The following SSC5D variants were observed in gnomAD, a reference collection of about 807,000 sequenced individuals.
The protein encoded by SSC5D is soluble scavenger receptor cysteine-rich domain-containing protein SSC5D.
Under a neutral mutation model 104.6 loss-of-function variants are expected in SSC5D, and 106 were observed. The observed-to-expected ratio is 1.01, with a 90% CI of 0.87 to 1.19. SSC5D has a LOEUF of 1.19. SSC5D is among the 50% of genes most tolerant of loss of function. The pLI is 0.00. For synonymous variants in SSC5D, 860 were observed against 883.5 expected (o/e 0.97, Z 0.47); for missense variants, 1,993 against 2,153.8 (o/e 0.93, Z 1.48).
In SSC5D at chr19:55,503,920, T is replaced by C. The variant is rs2123448438; in HGVS notation, c.2785+2719T>C. On this transcript the variant is annotated intron_variant, in intron 12 of 13. Transcript: ENST00000389623. This position sits in a 1 kb window ranked among gnomAD's most constrained non-coding sequence, Gnocchi z 4.0. ...TTCATCTGCCTCGCACCTCGTGACGTCACAGGCGCGCTGCGCCTCCTGATT... is the reference window on the plus strand; with the variant it reads ...TTCATCTGCCTCGCACCTCGTGACGCCACAGGCGCGCTGCGCCTCCTGATT... 6.6e-6 allele frequency among the ~76,000 whole-genome samples: 1 copy of C among 152,218 alleles called. No individual in the cohort carries two copies. Among genetic ancestry groups the C allele is most frequent in the African/African-American group, 2.4e-5 (1 of 41,548 alleles).
rs1174364146 is a variant in SSC5D, at chr19:55,489,592, C to T, written c.291C>T (p.Gly97=). ...GCCGGGGCAACGAGGGGCAGCTGGG[C>T]CTCTGCCACCACCGGGGCTGGAAGG... is the stretch of plus-strand genomic sequence containing the variant. ...LACRGNEGQL[G]LCHHRGWKAH... Residue 97 remains glycine, a synonymous_variant, in exon 3 of 14, where the codon GGC becomes GGT. Transcript: ENST00000389623. The T allele has an allele frequency of 2.0e-6, 3 of 1,526,522 alleles. No individual in the cohort carries two copies. The highest frequency in any genetic ancestry group is 1.2e-5 in the South Asian group (1 of 83,062). The allele number at this position is 1,526,522 out of a possible 1,614,324, so 94.6% of individuals were successfully genotyped here. A position where few individuals can be genotyped will look rare whatever the true frequency, so the allele number is the denominator to read the frequency against.
chr19:55,507,148 G>T (rs755349674), intron 12 of SSC5D, among the ~76,000 whole-genome samples: 1 of 151,608 alleles, frequency 6.6e-6, no homozygotes, highest in Non-Finnish European at 1.5e-5. Context: ...CAGCCTGGGT[G>T]ACAGAGACTG....
rs532032070 is a variant in SSC5D at position 55,490,752 on chromosome 19, C to T, written c.587-20C>T. 42 of 1,477,494 alleles carry T rather than the reference C, an allele frequency of 2.8e-5. No individual in the cohort carries two copies. In the African/African-American group the frequency reaches 5.4e-4, roughly 19 times the overall value. 91.5% of individuals were successfully genotyped at this position (1,477,494 alleles called of 1,614,324 possible). A position where few individuals can be genotyped will look rare whatever the true frequency, so the allele number is the denominator to read the frequency against. On this transcript the variant is annotated intron_variant, in intron 5 of 13. Coordinates refer to ENST00000389623, the MANE Select transcript of SSC5D (RefSeq NM_001144950.2). ...TCATTTCTCACTGGCCACACCGTCC[C>T]CTCCCTGCTCACCCCACAGAGCGGC...
chr19:55,498,920 C>T (rs1156248263), intron 9 of SSC5D, among the ~76,000 whole-genome samples: 1 of 152,204 alleles, frequency 6.6e-6, no homozygotes, highest in Non-Finnish European at 1.5e-5. Flanking sequence ...GCGCCTGAGG[C>T]AGGGCTCAGG....
In SSC5D at chr19:55,517,804, T is replaced by C. The variant is rs1305223280; in HGVS notation, c.3528T>C (p.Pro1176=). The C allele has an allele frequency of 1.7e-6, 2 of 1,185,212 alleles. No homozygotes were observed. The highest frequency in any genetic ancestry group is 5.1e-5 in the African/African-American group (2 of 39,398). The allele number at this position is 1,185,212 out of a possible 1,614,324, so 73.4% of individuals were successfully genotyped here. A position where few individuals can be genotyped will look rare whatever the true frequency, so the allele number is the denominator to read the frequency against. Residue 1176 remains proline (P), a synonymous_variant, in exon 14 of 14, where the codon CCT becomes CCC. Transcript: ENST00000389623. The part of the protein sequence containing the change: ...TLNPTVTPHF[P]TTPHPTTTPH... ...ACCCTACTGTGACCCCTCACTTCCC[T>C]ACCACCCCTCACCCCACCACGACCC... is the stretch of plus-strand genomic sequence containing the variant.
In SSC5D at chr19:55,493,631, ACGGGTGCGC is replaced by A; in HGVS notation, c.936_944del (p.Cys313_Gly315del). Reference sequence around the variant, plus strand: ...CGGCTGCGCCTGGCCGATGGCCCCCACGGGTGCGCCGGCCGCCTGGAGGTCTGGCACGGG... The same window carrying A: ...CGGCTGCGCCTGGCCGATGGCCCCCACGGCCGCCTGGAGGTCTGGCACGGG... On this transcript the variant is annotated inframe_deletion, in exon 7 of 14. Coordinates refer to ENST00000389623, the MANE Select transcript of SSC5D (RefSeq NM_001144950.2). The A allele has an allele frequency of 6.7e-7, 1 of 1,488,986 alleles. No homozygotes were observed. The highest frequency in any genetic ancestry group is 8.9e-7 in the Non-Finnish European group (1 of 1,128,970). The allele number at this position is 1,488,986 out of a possible 1,614,324, so 92.2% of individuals were successfully genotyped here. A position where few individuals can be genotyped will look rare whatever the true frequency, so the allele number is the denominator to read the frequency against.
At chr19:55,492,868 TA>T (rs149175520) in intron 6 of SSC5D, 12 of 147,950 alleles carry the variant, frequency 8.1e-5, no homozygotes, top group African/African-American at 1.2e-4. Flanking sequence ...AAATATAAAA[TA>T]AAAAAAAAAT....
In SSC5D at chr19:55,489,634, C is replaced by A. The variant is rs1233571465; in HGVS notation, c.333C>A (p.His111Gln). ...HRGWKAHICS[H>Q]EEDAGVVCAG... is the part of the protein sequence containing the mutation. ...GCTGGAAGGCCCACATCTGCTCCCACGAGGAGGACGCGGGCGTCGTCTGCG... is the reference window on the plus strand; with the variant it reads ...GCTGGAAGGCCCACATCTGCTCCCAAGAGGAGGACGCGGGCGTCGTCTGCG... Residue 111 changes from histidine (H) to glutamine (Q), a missense_variant, in exon 3 of 14, where the codon CAC becomes CAA. Physicochemically the swap from His to Gln is conservative, Grantham distance 24. Coordinates refer to ENST00000389623, the MANE Select transcript of SSC5D (RefSeq NM_001144950.2). The A allele has an allele frequency of 6.5e-7, 1 of 1,533,234 alleles. No individual in the cohort carries two copies. Among genetic ancestry groups the A allele is most frequent in the Non-Finnish European group, 8.7e-7 (1 of 1,145,382 alleles). 95.0% of individuals were successfully genotyped at this position (1,533,234 alleles called of 1,614,324 possible).
rs1568479042 is a variant in SSC5D, at chr19:55,499,822, C to T, written c.1712C>T (p.Pro571Leu). The T allele has an allele frequency of 5.8e-6, 9 of 1,550,166 alleles. No homozygotes were observed. Among genetic ancestry groups the T allele is most frequent in the Non-Finnish European group, 7.9e-6 (9 of 1,145,862 alleles). ...EDVGVTCTGP[P>L]GLDSISDPFS... ...TGCCCCACTCACCTTCCAGGGCCCC[C>T]AGGCCTGGACTCCATCTCAGACCCC... The change falls in exon 10 of 14, where the codon CCA becomes CTA. Residue 571 changes from proline to leucine, a missense_variant. This residue lies in a region of SSC5D where 1,101 missense variants were observed against 1,085.0 expected (regional missense o/e 1.01). Coordinates refer to ENST00000389623, the MANE Select transcript of SSC5D (RefSeq NM_001144950.2).
chr19:55,500,197 C>T lies in SSC5D; in HGVS notation c.2087C>T (p.Thr696Ile), dbSNP rs2123443113. 6.4e-7 allele frequency: 1 copy of T among 1,551,498 alleles called. No individual in the cohort carries two copies. Among genetic ancestry groups the T allele is most frequent in the Non-Finnish European group, 8.7e-7 (1 of 1,146,940 alleles). Residue 696 changes from threonine (T) to isoleucine (I), a missense_variant, in exon 10 of 14, where the codon ACC becomes ATC. Thr to Ile is a moderately conservative substitution (Grantham distance 89). Around this residue, in one of 6 missense-constraint regions of SSC5D, gnomAD observed 1,101 missense variants for 1,085.0 expected, o/e 1.01. Transcript: ENST00000389623. The surrounding 1 kb of genome is among the most constrained non-coding windows in gnomAD (Gnocchi z 4.6). ...GCCCCCCAGAGATGGACCTCTCACA[C>T]CACTGCCACGCTGACCCCTCAGGCC... ...TEAPQRWTSHTTATLTPQAPR... is the reference protein window; with the variant it reads ...TEAPQRWTSHITATLTPQAPR...
At chr19:55,499,676 A>G (rs1056003982) in intron 9 of SSC5D, 140 bp from the exon 10 acceptor site, 4 of 775,096 alleles carry the variant, frequency 5.2e-6, no homozygotes, top group Admixed American at 5.7e-5. Context: ...GAGGTGCTCA[A>G]TAAATATTTG....
chr19:55,516,452 A>C (rs4801169), intron 13 of SSC5D, among the ~76,000 whole-genome samples: 2 of 150,648 alleles, frequency 1.3e-5, no homozygotes, highest in African/African-American at 4.9e-5. Context: ...AGCCGAGATC[A>C]CGCCACTGCA....
Position 55,491,009 on chromosome 19 carries a change from G to C in SSC5D, c.824G>C (p.Arg275Pro), listed in dbSNP as rs540107753. 49 of 1,550,094 alleles carry C rather than the reference G, an allele frequency of 3.2e-5. No homozygotes were observed. The Admixed American group carries it at 8.8e-4, about 28-fold the overall frequency. Residue 275 changes from arginine (R) to proline (P), a missense_variant, in exon 6 of 14, where the codon CGA becomes CCA. Arg to Pro is a moderately radical substitution (Grantham distance 103). This residue lies in a region of SSC5D where 1,101 missense variants were observed against 1,085.0 expected (regional missense o/e 1.01). Transcript: ENST00000389623. The part of the protein sequence containing the change: ...VGCGGGEQAL[R>P]DCPRSPWGRS... Reference sequence around the variant, plus strand: ...TGTGGAGGAGGAGAACAGGCCCTCCGAGACTGCCCCCGAAGCCCCTGGGGC... The same window carrying C: ...TGTGGAGGAGGAGAACAGGCCCTCCCAGACTGCCCCCGAAGCCCCTGGGGC...
rs867880438 is a variant in SSC5D, at chr19:55,500,556, C to T, written c.2369C>T (p.Ala790Val). 7 of 1,551,588 alleles carry T rather than the reference C, an allele frequency of 4.5e-6. No individual in the cohort carries two copies. In the African/African-American group the frequency reaches 5.5e-5, roughly 12 times the overall value. The change falls in exon 11 of 14, where the codon GCC (alanine) becomes GTC (valine). Residue 790 changes from alanine (A) to valine (V), a missense_variant. Ala to Val is a moderately conservative substitution (Grantham distance 64). Transcript: ENST00000389623. The surrounding 1 kb of genome is among the most constrained non-coding windows in gnomAD (Gnocchi z 4.6). ...RCAGRLEVWH[A>V]GRWGTVCDDN... Reference sequence around the variant, plus strand: ...GCTGGCCGGCTGGAAGTGTGGCATGCCGGACGCTGGGGAACAGTGTGTGAT... The same window carrying T: ...GCTGGCCGGCTGGAAGTGTGGCATGTCGGACGCTGGGGAACAGTGTGTGAT...
intron 6 of SSC5D, among the ~76,000 whole-genome samples, 190 bp from the exon 7 acceptor site, chr19:55,493,405 T>C (rs892039014): frequency 1.3e-5 from 2 of 152,134 alleles, no homozygotes; most frequent in African/African-American, 4.8e-5. Context: ...GCAAGGGATA[T>C]GGGGGATGCG....
chr19:55,512,290 T>C (rs560745810), intron 12 of SSC5D, among the ~76,000 whole-genome samples: 16 of 147,522 alleles, frequency 1.1e-4, no homozygotes, highest in Non-Finnish European at 2.2e-4. Context: ...TAAAATGGCA[T>C]ACATATATGT....
chr19:55,505,418 T>G (rs1436272407), intron 12 of SSC5D, among the ~76,000 whole-genome samples: 5 of 151,856 alleles, frequency 3.3e-5, no homozygotes, highest in Non-Finnish European at 7.3e-5. Flanking sequence ...GAAAGATCTG[T>G]ATCTATTTCA....
Position 55,490,300 on chromosome 19 carries a change from C to T in SSC5D, c.478C>T (p.Pro160Ser), listed in dbSNP as rs1987100367. The change falls in exon 5 of 14, where the codon CCC becomes TCC. Residue 160 changes from proline (P) to serine (S), a missense_variant and splice_region_variant. Transcript: ENST00000389623. ...CCCCTGGCTGTCTCCACTCCCAGCCCCCCGCCCAGCTGGGAACCCCCAGAA... is the reference window on the plus strand; with the variant it reads ...CCCCTGGCTGTCTCCACTCCCAGCCTCCCGCCCAGCTGGGAACCCCCAGAA... The part of the protein sequence containing the change: ...STEEPLVTHA[P>S]RPAGNPQNAS... 1.9e-6 allele frequency: 2 copies of T among 1,043,146 alleles called. No individual in the cohort carries two copies. Among genetic ancestry groups the T allele is most frequent in the African/African-American group, 3.1e-5 (2 of 63,534 alleles). 64.6% of individuals were successfully genotyped at this position (1,043,146 alleles called of 1,614,324 possible).
chr19:55,516,169 A>C (rs76937006), intron 13 of SSC5D, among the ~76,000 whole-genome samples: 3 of 59,770 alleles, frequency 5.0e-5, no homozygotes, highest in Non-Finnish European at 2.0e-4. Flanking sequence ...ATTAATGCCA[A>C]AAAAAAAAAA....
Sources: gnomAD v4.1 joint callset for allele counts (sites outside exome capture counted in the v4.1 genomes callset) on GRCh38, gnomAD v4.1.1 for gene constraint, gnomAD v4.1.1 regional missense constraint, Gnocchi (gnomAD v3.1) non-coding constraint, MANE v1.5 for transcripts, NCBI Gene and HGNC (gene_info 2026-07-23, HGNC 2026-07-21) for gene names.